The following GATB variants were observed in gnomAD, a reference collection of about 807,000 sequenced individuals.
The protein encoded by GATB is glutamyl-tRNA amidotransferase subunit B.
A neutral mutation model predicts 62.3 loss-of-function variants in GATB; 39 were observed. The ratio of observed to expected loss-of-function variants is 0.63; its 90% CI spans 0.48 to 0.82. GATB has a LOEUF of 0.82. GATB is among the 40% of genes least tolerant of loss of function. GATB has a pLI of 0.00. For synonymous variants in GATB, 276 were observed against 258.9 expected (o/e 1.07, Z -0.63); for missense variants, 670 against 684.0 (o/e 0.98, Z 0.23).
intron 1 of GATB, among the ~76,000 whole-genome samples, chr4:151,759,795 T>TATATATA (rs925858258): frequency 2.0e-5 from 3 of 152,184 alleles, no homozygotes; most frequent in African/African-American, 7.2e-5. Context: ...TATATACATA[T>TATATATA]ATATATATAT....
chr4:151,684,872 C>G lies in GATB; in HGVS notation c.1331+3758G>C, dbSNP rs1738212913. Among the ~76,000 whole-genome samples, 3 of 152,214 alleles carry G rather than the reference C, an allele frequency of 2.0e-5. No individual in the cohort carries two copies. In the South Asian group the frequency reaches 6.2e-4, roughly 32 times the overall value. Reference sequence around the variant, plus strand: ...TACCAGGGGCTCCAGGTCCACTCAACAGGCTAATTTATCTCTCAGCTCCTT... The same window carrying G: ...TACCAGGGGCTCCAGGTCCACTCAAGAGGCTAATTTATCTCTCAGCTCCTT... On this transcript the variant is annotated intron_variant, in intron 10 of 12. Transcript: ENST00000263985.
At chr4:151,735,455 G>A (rs1354191683) in intron 2 of GATB, among the ~76,000 whole-genome samples, 2 of 151,892 alleles carry the variant, frequency 1.3e-5, no homozygotes, top group Admixed American at 1.3e-4. Flanking sequence ...ATGTTGGCCT[G>A]GATGCAGCAA....
At chr4:151,742,407 G>C (rs1739510248) in intron 2 of GATB, among the ~76,000 whole-genome samples, 1 of 152,214 alleles carries the variant, frequency 6.6e-6, no homozygotes, top group Non-Finnish European at 1.5e-5. Flanking sequence ...ATCTTAATGG[G>C]ACAGGGCAAG....
At chr4:151,693,515 G>T (rs551221813) in intron 9 of GATB, among the ~76,000 whole-genome samples, 7 of 152,256 alleles carry the variant, frequency 4.6e-5, no homozygotes, top group Admixed American at 6.5e-5. Context: ...CCCCCCTCAA[G>T]AGTGTCAGGA....
At chr4:151,756,622 G>A (rs897568914) in intron 2 of GATB, among the ~76,000 whole-genome samples, 5 of 152,180 alleles carry the variant, frequency 3.3e-5, no homozygotes, top group Non-Finnish European at 7.3e-5. Context: ...TGTATTTCCA[G>A]ACTTTGTCTG....
intron 9 of GATB, among the ~76,000 whole-genome samples, 178 bp downstream of exon 9, chr4:151,701,151 T>C (rs369760882): frequency 1.1e-4 from 16 of 152,132 alleles, no homozygotes; most frequent in African/African-American, 3.1e-4. Context: ...GCATTTACCA[T>C]AAAGGGTAGT....
intron 9 of GATB, among the ~76,000 whole-genome samples, chr4:151,699,226 A>G (rs1384673641): frequency 6.6e-6 from 1 of 151,968 alleles, no homozygotes; most frequent in Non-Finnish European, 1.5e-5. Context: ...TGTCTCTACT[A>G]AAAATACAAA....
In GATB at chr4:151,729,252, G is replaced by T. The variant is rs541512381; in HGVS notation, c.328-9714C>A. Among the ~76,000 whole-genome samples the T allele has an allele frequency of 3.9e-5, 6 of 152,114 alleles. No individual in the cohort carries two copies. The East Asian group carries it at 1.2e-3, about 29-fold the overall frequency. ...AGTAGATAGTAAGATAAAATAGCTGGCCTGGGCATTTCAAAACTGTCAATG... is the reference window on the plus strand; with the variant it reads ...AGTAGATAGTAAGATAAAATAGCTGTCCTGGGCATTTCAAAACTGTCAATG... On this transcript the variant is annotated intron_variant, in intron 2 of 12. Coordinates refer to ENST00000263985, the MANE Select transcript of GATB (RefSeq NM_004564.3).
At chr4:151,744,299 G>A (rs2126994696) in intron 2 of GATB, among the ~76,000 whole-genome samples, 1 of 152,294 alleles carries the variant, frequency 6.6e-6, no homozygotes, top group East Asian at 1.9e-4. Context: ...TTTACAAGGG[G>A]TGCTATACAC....
At chr4:151,721,358 T>G (rs1351298819) in intron 2 of GATB, 2 of 152,276 alleles carry the variant, frequency 1.3e-5, no homozygotes, top group Non-Finnish European at 2.9e-5. Context: ...ACAGTTTCTA[T>G]TTGGAGTTCT....
chr4:151,719,371 G>A (rs1738981184), intron 3 of GATB, 54 bp downstream of exon 3: 3 of 1,303,872 alleles, frequency 2.3e-6, no homozygotes, highest in East Asian at 2.3e-5. Context: ...CCCCACAGCA[G>A]GGCTGGCCCA....
chr4:151,688,223 G>A (rs972705713), intron 10 of GATB, among the ~76,000 whole-genome samples: 2 of 152,064 alleles, frequency 1.3e-5, no homozygotes, highest in Non-Finnish European at 2.9e-5. Context: ...GTCCCCTCCC[G>A]AGGGGAGCCC....
intron 2 of GATB, among the ~76,000 whole-genome samples, chr4:151,729,085 A>T (rs924803510): frequency 2.6e-5 from 4 of 152,212 alleles, no homozygotes; most frequent in Non-Finnish European, 5.9e-5. Context: ...AATTTCACAC[A>T]TCCAATAGGA....
chr4:151,686,208 C>T (rs895415524), intron 10 of GATB, among the ~76,000 whole-genome samples: 1 of 152,032 alleles, frequency 6.6e-6, no homozygotes, highest in Admixed American at 6.5e-5. Flanking sequence ...GACTTTTTCC[C>T]TCAAAAGCTC....
At chr4:151,671,452 G>A (rs2126949405) in intron 12 of GATB, 150 bp from the exon 13 acceptor site, 2 of 734,514 alleles carry the variant, frequency 2.7e-6, no homozygotes. Flanking sequence ...AAAGGGGAGG[G>A]GCCTCACTTC....
chr4:151,688,870 C>G lies in GATB; in HGVS notation c.1198-107G>C, dbSNP rs1447390865. ...TCCCCTCTGCCTCCTCTGAGACAGCCACTTTTTCTTTGCTAAACCCTGAGA... is the reference window on the plus strand; with the variant it reads ...TCCCCTCTGCCTCCTCTGAGACAGCGACTTTTTCTTTGCTAAACCCTGAGA... On this transcript the variant is annotated intron_variant, in intron 9 of 12. Coordinates refer to ENST00000263985, the MANE Select transcript of GATB (RefSeq NM_004564.3). The G allele has an allele frequency of 3.6e-6, 4 of 1,101,560 alleles. No homozygotes were observed. In the East Asian group the frequency reaches 9.7e-5, roughly 27 times the overall value. 68.2% of individuals were successfully genotyped at this position (1,101,560 alleles called of 1,614,324 possible).
chr4:151,714,248 C>G (rs1738872355), intron 5 of GATB, among the ~76,000 whole-genome samples: 1 of 152,194 alleles, frequency 6.6e-6, no homozygotes, highest in South Asian at 2.1e-4. Context: ...GGCTTCATTC[C>G]ACAGCACCCT....
At chr4:151,697,963 A>ATATATATATATATATATATATGTG in intron 9 of GATB, among the ~76,000 whole-genome samples, 1 of 116,678 alleles carries the variant, frequency 8.6e-6, no homozygotes, top group Non-Finnish European at 1.7e-5. Flanking sequence ...GTATATATAT[A>ATATATATATATATATATATATGTG]TATATATATA....
intron 2 of GATB, among the ~76,000 whole-genome samples, chr4:151,743,292 G>A (rs1481218768): frequency 6.6e-6 from 1 of 152,184 alleles, no homozygotes; most frequent in Non-Finnish European, 1.5e-5. Context: ...CTAATTAGGT[G>A]AGATTTCCTT....
Sources: gnomAD v4.1 joint callset for allele counts (sites outside exome capture counted in the v4.1 genomes callset) on GRCh38, gnomAD v4.1.1 for gene constraint, MANE v1.5 for transcripts, NCBI Gene and HGNC (gene_info 2026-07-23, HGNC 2026-07-21) for gene names.